Variants in PPARG observed in about 807,000 individuals in gnomAD.
PPARG encodes peroxisome proliferator activated receptor gamma, also known as peroxisome proliferator-activated receptor gamma.
In PPARG, 17 loss-of-function variants were observed where a neutral mutation model predicts 39.2. The observed-to-expected ratio is 0.43, with a 90% CI of 0.30 to 0.65. The LOEUF (loss-of-function observed/expected upper bound fraction) is 0.65, where lower values mean the gene tolerates loss of function less well. Ranked by LOEUF, PPARG falls within the 30% of genes least tolerant of loss-of-function variation. PPARG has a pLI of 0.13. For missense variants in PPARG, 406 were observed against 585.9 expected, an observed-to-expected ratio of 0.69 and a Z score of 3.17; for synonymous variants, 223 against 215.7, an observed-to-expected ratio of 1.03 and a Z score of -0.30.
At chr3:12,332,394 G>A (rs189148476) in intron 2 of PPARG, among the ~76,000 whole-genome samples, 2 of 152,236 alleles carry the variant, frequency 1.3e-5, no homozygotes, top group Middle Eastern at 3.4e-3. Flanking sequence ...AAATGTTGAA[G>A]ATTATCCCAG....
chr3:12,417,902 C>CTTTTTTTTTTTTTTTTTTTTTTTTTTTTT (rs869086237), intron 7 of PPARG, among the ~76,000 whole-genome samples: 12 of 65,900 alleles, frequency 1.8e-4, no homozygotes, highest in African/African-American at 5.3e-4. Flanking sequence ...TTTTTTTTTC[C>CTTTTTTTTTTTTTTTTTTTTTTTTTTTTT]TTTTTTTTTT....
intron 2 of PPARG, among the ~76,000 whole-genome samples, chr3:12,358,854 T>A (rs2048747425): frequency 1.3e-5 from 2 of 152,234 alleles, no homozygotes; most frequent in African/African-American, 4.8e-5. Context: ...TCTCATCACC[T>A]TTGCTATTAT....
intron 2 of PPARG, among the ~76,000 whole-genome samples, chr3:12,316,052 A>G (rs1338734370): frequency 6.6e-6 from 1 of 152,220 alleles, no homozygotes; most frequent in East Asian, 1.9e-4. Context: ...GAATACAAGT[A>G]GTACTACGGG....
chr3:12,410,426 T>G (rs981247881), intron 6 of PPARG, among the ~76,000 whole-genome samples: 1 of 152,230 alleles, frequency 6.6e-6, no homozygotes, highest in Non-Finnish European at 1.5e-5. Flanking sequence ...TCAAAAACCA[T>G]TTTCAGTGCC....
intron 5 of PPARG, among the ~76,000 whole-genome samples, chr3:12,398,005 C>T (rs2050329246): frequency 6.6e-6 from 1 of 152,118 alleles, no homozygotes; most frequent in Non-Finnish European, 1.5e-5. Context: ...CTGTCTGTTC[C>T]TTGTGGAAAT....
intron 2 of PPARG, among the ~76,000 whole-genome samples, chr3:12,347,934 T>C (rs979400924): frequency 1.1e-4 from 16 of 152,282 alleles, no homozygotes; most frequent in African/African-American, 2.9e-4. Flanking sequence ...ACTTACAGCA[T>C]TAAATGAAGC....
intron 6 of PPARG, among the ~76,000 whole-genome samples, chr3:12,414,957 T>G (rs4135348): frequency 5.3e-5 from 8 of 152,340 alleles, no homozygotes; most frequent in African/African-American, 1.7e-4. Flanking sequence ...ATTTAATATC[T>G]GAGACTCCTC....
intron 2 of PPARG, among the ~76,000 whole-genome samples, chr3:12,375,774 C>T (rs978019835): frequency 9.2e-5 from 14 of 152,108 alleles, no homozygotes; most frequent in African/African-American, 2.9e-4. Flanking sequence ...TTAACTATCA[C>T]CAGTACACAT....
chr3:12,343,437 A>G (rs2048240346), intron 2 of PPARG, among the ~76,000 whole-genome samples: 1 of 152,078 alleles, frequency 6.6e-6, no homozygotes, highest in South Asian at 2.1e-4. Flanking sequence ...TCTGGTTTAA[A>G]TCCCTTCTCT....
chr3:12,324,679 C>A (rs1441036147), intron 2 of PPARG, among the ~76,000 whole-genome samples: 2 of 152,140 alleles, frequency 1.3e-5, no homozygotes, highest in African/African-American at 4.8e-5. Context: ...ACAGATACGT[C>A]AACCATATAG....
At chr3:12,371,672 C>T (rs2049219593) in intron 2 of PPARG, among the ~76,000 whole-genome samples, 1 of 152,186 alleles carries the variant, frequency 6.6e-6, no homozygotes, top group African/African-American at 2.4e-5. Context: ...AGCATATTTA[C>T]ATGTAGTAAC....
At chr3:12,387,914 A>G (rs1333311546) in intron 4 of PPARG, among the ~76,000 whole-genome samples, 1 of 151,930 alleles carries the variant, frequency 6.6e-6, no homozygotes, top group Admixed American at 6.6e-5. Flanking sequence ...GGAAGGGATC[A>G]ATAATTCTCT....
At chr3:12,332,757 G>A (rs774505377) in intron 2 of PPARG, among the ~76,000 whole-genome samples, 3 of 152,182 alleles carry the variant, frequency 2.0e-5, no homozygotes, top group Non-Finnish European at 2.9e-5. Flanking sequence ...AAGGCCAGGA[G>A]CAGTGACTCA....
At chr3:12,357,153 T>A (rs536207529) in intron 2 of PPARG, among the ~76,000 whole-genome samples, 1 of 152,008 alleles carries the variant, frequency 6.6e-6, no homozygotes, top group Admixed American at 6.6e-5. Flanking sequence ...CCCACAGAGA[T>A]GATGCTCAAA....
In PPARG at chr3:12,359,674, C is replaced by CTTT. The variant is rs71628752; in HGVS notation, c.-8-20014_-8-20012dup. On this transcript the variant is annotated intron_variant, in intron 2 of 7. Transcript: ENST00000651735. Reference sequence around the variant, plus strand: ...ACTTTTCCTACTTACTCTTTTATTTCTTTTTTTTTTTTTTTTTTGAGACAG... The same window carrying CTTT: ...ACTTTTCCTACTTACTCTTTTATTTCTTTTTTTTTTTTTTTTTTTTTGAGACAG... Among the ~76,000 whole-genome samples the CTTT allele has an allele frequency of 1.5e-5, 2 of 129,846 alleles. 1 individual carries two copies. The allele number at this position is 129,846 out of a possible 152,430, so 85.2% of individuals were successfully genotyped here.
At chr3:12,392,247 G>A (rs2050103381) in intron 4 of PPARG, among the ~76,000 whole-genome samples, 1 of 152,180 alleles carries the variant, frequency 6.6e-6, no homozygotes, top group South Asian at 2.1e-4. Flanking sequence ...GGGGCATGCT[G>A]TTGGAATGAT....
chr3:12,304,654 A>G (rs2047014049), intron 1 of PPARG, among the ~76,000 whole-genome samples: 1 of 152,236 alleles, frequency 6.6e-6, no homozygotes, highest in Non-Finnish European at 1.5e-5. Flanking sequence ...ATGTATGTAA[A>G]AATTTCACAT....
chr3:12,296,753 C>T (rs1447412338), intron 1 of PPARG, among the ~76,000 whole-genome samples: 1 of 152,100 alleles, frequency 6.6e-6, no homozygotes, highest in Non-Finnish European at 1.5e-5. Flanking sequence ...CCCTAGTCTC[C>T]GCGTCAAAGA....
intron 4 of PPARG, among the ~76,000 whole-genome samples, chr3:12,388,541 G>A (rs145676495): frequency 5.0e-4 from 76 of 152,262 alleles, no homozygotes; most frequent in African/African-American, 1.6e-3. Flanking sequence ...TCATAAGTCA[G>A]TAACACCCCT....
Sources: gnomAD v4.1 joint callset for allele counts (sites outside exome capture counted in the v4.1 genomes callset) on GRCh38, gnomAD v4.1.1 for gene constraint, MANE v1.5 for transcripts, NCBI Gene and HGNC (gene_info 2026-07-23, HGNC 2026-07-21) for gene names.